Variants in CADPS2 observed in about 807,000 individuals in gnomAD.
CADPS2 encodes the protein calcium dependent secretion activator 2.
In CADPS2, 93 loss-of-function variants were observed where a neutral mutation model predicts 172.5. The ratio of observed to expected loss-of-function variants is 0.54; its 90% CI spans 0.46 to 0.64. The LOEUF (loss-of-function observed/expected upper bound fraction) is 0.64, where lower values mean the gene tolerates loss of function less well. Among genes scored for constraint, CADPS2 ranks in the 30% least tolerant of loss-of-function variants. The pLI, the probability that CADPS2 is intolerant of heterozygous loss-of-function variation, is 0.00. For missense variants in CADPS2, 1,420 were observed against 1,565.9 expected (o/e 0.91, Z 1.57); for synonymous variants, 546 against 555.2 (o/e 0.98, Z 0.23).
chr7:122,417,676 C>G (rs2048087351), intron 17 of CADPS2, among the ~76,000 whole-genome samples: 1 of 152,106 alleles, frequency 6.6e-6, no homozygotes, highest in Non-Finnish European at 1.5e-5. Context: ...CTAATTTTGT[C>G]AGGAAGAGAA....
At chr7:122,582,921 T>A (rs2069046366) in intron 6 of CADPS2, among the ~76,000 whole-genome samples, 1 of 152,194 alleles carries the variant, frequency 6.6e-6, no homozygotes, top group Admixed American at 6.6e-5. Context: ...CAAAATCCTT[T>A]GAAACTATTT....
At chr7:122,474,672 T>C in intron 12 of CADPS2, 155 bp from the exon 13 acceptor site, 1 of 667,960 alleles carries the variant, frequency 1.5e-6, no homozygotes, top group Non-Finnish European at 2.4e-6. Context: ...TAACATAAAT[T>C]GCAAACTTTA....
chr7:122,794,086 G>A (rs1795852311), intron 1 of CADPS2, among the ~76,000 whole-genome samples: 1 of 152,038 alleles, frequency 6.6e-6, no homozygotes, highest in Admixed American at 6.6e-5. Context: ...TAGAGAATCT[G>A]ACGATTACAT....
At chr7:122,663,773 G>C (rs2080871623) in intron 2 of CADPS2, among the ~76,000 whole-genome samples, 1 of 152,116 alleles carries the variant, frequency 6.6e-6, no homozygotes, top group African/African-American at 2.4e-5. Flanking sequence ...AAAATGTGTA[G>C]GAGACACAGT....
chr7:122,794,378 C>T (rs1034838992), intron 1 of CADPS2, among the ~76,000 whole-genome samples: 1 of 151,948 alleles, frequency 6.6e-6, no homozygotes, highest in African/African-American at 2.4e-5. Context: ...TTCTTTCCTC[C>T]ACCTGGTCTG....
chr7:122,433,173 G>T (rs2050186784), intron 17 of CADPS2, among the ~76,000 whole-genome samples: 1 of 151,394 alleles, frequency 6.6e-6, no homozygotes, highest in South Asian at 2.1e-4. Context: ...TGGAGATGGG[G>T]TCTCACTATG....
intron 27 of CADPS2, among the ~76,000 whole-genome samples, chr7:122,350,453 A>G (rs1469903069): frequency 6.6e-6 from 1 of 152,116 alleles, no homozygotes; most frequent in African/African-American, 2.4e-5. Context: ...ATCTCCTGAA[A>G]TTTTTCAAAA....
chr7:122,621,285 ATTG>A (rs948301439), intron 5 of CADPS2, among the ~76,000 whole-genome samples, 193 bp downstream of exon 5: 3 of 152,132 alleles, frequency 2.0e-5, no homozygotes, highest in Non-Finnish European at 2.9e-5. Context: ...TAATCCTAAT[ATTG>A]TTGTTATGTT....
At chr7:122,812,411 A>G (rs568968156) in intron 1 of CADPS2, among the ~76,000 whole-genome samples, 13 of 139,338 alleles carry the variant, frequency 9.3e-5, no homozygotes, top group Non-Finnish European at 1.7e-4. Context: ...ACTTGTTTGG[A>G]AAAAAAAAAA....
intron 25 of CADPS2, among the ~76,000 whole-genome samples, chr7:122,361,305 C>T (rs564975024): frequency 6.9e-6 from 1 of 145,080 alleles, no homozygotes; most frequent in African/African-American, 2.6e-5. Flanking sequence ...GTGATCTTGG[C>T]TCACTGCAAC....
chr7:122,416,658 C>T (rs183960775), intron 17 of CADPS2, among the ~76,000 whole-genome samples: 3 of 152,284 alleles, frequency 2.0e-5, no homozygotes, highest in East Asian at 3.9e-4. Context: ...CCTAAAACAA[C>T]TCTGACAGCT....
intron 2 of CADPS2, among the ~76,000 whole-genome samples, chr7:122,695,357 A>G (rs2136128894): frequency 6.6e-6 from 1 of 152,352 alleles, no homozygotes; most frequent in Non-Finnish European, 1.5e-5. Flanking sequence ...TTATGACAAG[A>G]TATGTTTGCA....
At chr7:122,662,521 A>G (rs1273971970) in intron 3 of CADPS2, among the ~76,000 whole-genome samples, 2 of 151,900 alleles carry the variant, frequency 1.3e-5, no homozygotes, top group Non-Finnish European at 2.9e-5. Flanking sequence ...GACTACAGGC[A>G]TGCACCACCA....
At chr7:122,541,619 CCATATATATTTTCATATATT>C (rs2062975813) in intron 8 of CADPS2, among the ~76,000 whole-genome samples, 2 of 142,490 alleles carry the variant, frequency 1.4e-5, no homozygotes, top group African/African-American at 2.6e-5. Flanking sequence ...TCACATATAT[CCATATATATTTTCATATATT>C]CATATATATT....
chr7:122,706,153 TATATATGCTTATATATTCAAGGAATAC>T (rs1564127230), intron 2 of CADPS2, among the ~76,000 whole-genome samples: 1,614 of 59,016 alleles, frequency 0.027, 209 homozygotes, highest in South Asian at 0.035. Context: ...TCAAGGAATA[TATATATGCTTATATATTCAAGGAATAC>T]ATATATATGC....
chr7:122,552,579 T>C (rs953234871), intron 8 of CADPS2, among the ~76,000 whole-genome samples: 3 of 152,000 alleles, frequency 2.0e-5, no homozygotes, highest in Non-Finnish European at 4.4e-5. Context: ...GTCTCACCTA[T>C]CCTGGAGTAT....
chr7:122,735,384 CTTTT>C (rs2092077370), intron 2 of CADPS2, among the ~76,000 whole-genome samples: 1 of 152,074 alleles, frequency 6.6e-6, no homozygotes, highest in Admixed American at 6.6e-5. Context: ...AATTTGTGCA[CTTTT>C]TTTATTCATA....
chr7:122,872,722 A>C (rs538507025), intron 1 of CADPS2, among the ~76,000 whole-genome samples: 55 of 152,134 alleles, frequency 3.6e-4, no homozygotes, highest in South Asian at 6.2e-4. Context: ...CATTTTCCTA[A>C]ATATGTTAAA....
At chr7:122,428,858 A>C (rs2049519225) in intron 17 of CADPS2, among the ~76,000 whole-genome samples, 1 of 152,176 alleles carries the variant, frequency 6.6e-6, no homozygotes, top group African/African-American at 2.4e-5. Context: ...TGACTGTCTC[A>C]AGGAAAAGCA....
Sources: allele counts gnomAD v4.1 joint callset (sites outside exome capture counted in the v4.1 genomes callset), GRCh38; gene constraint gnomAD v4.1.1; transcripts MANE v1.5; gene names NCBI Gene and HGNC (gene_info 2026-07-23, HGNC 2026-07-21).